The following ALOX15 variants were observed in gnomAD, a reference collection of about 807,000 sequenced individuals.
ALOX15 encodes arachidonate 15-lipoxygenase.
ALOX15 carries 68 observed loss-of-function variants against 71.7 expected under a neutral mutation model. That is an observed-to-expected ratio of 0.95 (90% CI 0.78 to 1.16). The LOEUF (loss-of-function observed/expected upper bound fraction) is 1.16, where lower values mean the gene tolerates loss of function less well. ALOX15 is among the 50% of genes most tolerant of loss of function. The probability of loss-of-function intolerance (pLI) is 0.00; values close to 1 mark genes in which losing one functional copy is unlikely to be tolerated. For missense variants in ALOX15, 798 were observed against 818.8 expected, an observed-to-expected ratio of 0.97 and a Z score of 0.31; for synonymous variants, 346 against 333.3, an observed-to-expected ratio of 1.04 and a Z score of -0.42.
rs116752090 is a variant in ALOX15, at chr17:4,636,602, C to T, written c.951+513G>A. On this transcript the variant is annotated intron_variant, in intron 7 of 13. Coordinates refer to ENST00000293761, the MANE Select transcript of ALOX15 (RefSeq NM_001140.5). ...ATGTTGCCCCAGTCCCTATTTCTAG[C>T]ATCTCCCCTCTCCAACCCACCCTAA... 5.4e-3 allele frequency among the ~76,000 whole-genome samples: 829 copies of T among 152,226 alleles called. 8 individuals are homozygous for T. The highest frequency in any genetic ancestry group is 0.019 in the African/African-American group (776 of 41,526).
At chr17:4,632,365 G>A (rs1910942780) in intron 11 of ALOX15, 84 bp from the exon 12 acceptor site, 5 of 1,134,234 alleles carry the variant, frequency 4.4e-6, no homozygotes. Flanking sequence ...GGAGAACAAG[G>A]GCGAGAAAGA....
rs529560628 is a variant in ALOX15, at chr17:4,634,223, T to G, written c.1162-723A>C. Among the ~76,000 whole-genome samples, 9 of 152,350 alleles carry G rather than the reference T, an allele frequency of 5.9e-5. No homozygotes were observed. The South Asian group carries it at 1.9e-3, about 32-fold the overall frequency. ...TACATAAAAATAAAACCACTGAGCT[T>G]TCAGTTGATTTGCATCAACTATTTC... On this transcript the variant is annotated intron_variant, in intron 8 of 13. Transcript: ENST00000293761.
chr17:4,638,975 G>A lies in ALOX15; in HGVS notation c.420-3C>T. 6.2e-7 allele frequency: 1 copy of A among 1,614,224 alleles called. No homozygotes were observed. The highest frequency in any genetic ancestry group is 8.5e-7 in the Non-Finnish European group (1 of 1,180,038). ...ACCCGTCCTTCCAGTTTCCCCACCT[G>A]TGGGGCAGGAAGGAAATCAAGTATG... is the stretch of plus-strand genomic sequence containing the variant. On this transcript the variant is annotated splice_region_variant and splice_polypyrimidine_tract_variant and intron_variant, in intron 3 of 13. Transcript: ENST00000293761.
rs1207792011 is a variant in ALOX15, at chr17:4,639,478, A to G, written c.289T>C (p.Tyr97His). The G allele has an allele frequency of 6.2e-7, 1 of 1,613,894 alleles. No homozygotes were observed. The highest frequency in any genetic ancestry group is 2.2e-5 in the East Asian group (1 of 44,886). The change falls in exon 2 of 14, where the codon TAC (tyrosine) becomes CAC (histidine). Residue 97 changes from tyrosine (Y) to histidine (H), a missense_variant. By Grantham distance (83) the Tyr-to-His change is moderately conservative. Transcript: ENST00000293761. ...GAGDEVRFPC[Y>H]RWVEGNGVLS... Reference sequence around the variant, plus strand: ...ACGCCGTTGCCCTCCACCCAGCGGTAACAAGGGAACCTGACCTCGTCCCCG... The same window carrying G: ...ACGCCGTTGCCCTCCACCCAGCGGTGACAAGGGAACCTGACCTCGTCCCCG...
Position 4,633,172 on chromosome 17 carries a change from C to G in ALOX15, c.1392G>C (p.Ala464=), listed in dbSNP as rs1415444236. 5.6e-6 allele frequency: 9 copies of G among 1,613,952 alleles called. No individual in the cohort carries two copies. The Admixed American group carries it at 1.5e-4, about 27-fold the overall frequency. ...GVKSSFYAQD[A]LRLWEIIYRY... ...GATAGATGATTTCCCAGAGCCGCAGCGCATCTTGGGCATAGAAGGAAGACT... is the reference window on the plus strand; with the variant it reads ...GATAGATGATTTCCCAGAGCCGCAGGGCATCTTGGGCATAGAAGGAAGACT... Residue 464 remains alanine, a synonymous_variant, in exon 10 of 14, where the codon GCG becomes GCC. Coordinates refer to ENST00000293761, the MANE Select transcript of ALOX15 (RefSeq NM_001140.5).
Position 4,632,244 on chromosome 17 carries a change from GC to G in ALOX15, c.1577del (p.Cys526SerfsTer51). 1.2e-6 allele frequency: 2 copies of G among 1,614,224 alleles called. No individual in the cohort carries two copies. Among genetic ancestry groups the G allele is most frequent in the Non-Finnish European group, 1.7e-6 (2 of 1,180,038 alleles). On this transcript the variant is annotated frameshift_variant, in exon 12 of 14. Transcript: ENST00000293761. LOFTEE classifies it high-confidence loss of function. ...TGAAGATACACATGGTGACAAAGTG[GC>G]AAACCTGGTCCCGAGCCTGTAAAGA... The part of the protein sequence containing the change: ...PVSLQARDQV[C>X]HFVTMCIFTC...
At chr17:4,640,279 G>A (rs1354376191) in intron 1 of ALOX15, among the ~76,000 whole-genome samples, 1 of 128,524 alleles carries the variant, frequency 7.8e-6, no homozygotes, top group Non-Finnish European at 1.6e-5. Context: ...AGCAGGGGGA[G>A]TGAATTAGGG....
At chr17:4,634,323 G>T (rs780555553) in intron 8 of ALOX15, among the ~76,000 whole-genome samples, 10 of 152,134 alleles carry the variant, frequency 6.6e-5, no homozygotes, top group Admixed American at 2.0e-4. Flanking sequence ...TTTGTTTTGA[G>T]ATGGAGTCTT....
At chr17:4,633,062 C>T in intron 10 of ALOX15, 80 bp from the exon 11 acceptor site, 2 of 1,610,542 alleles carry the variant, frequency 1.2e-6, no homozygotes, top group Admixed American at 1.7e-5. Context: ...GCCCCAGGCC[C>T]CCAACCAGAC....
At chr17:4,632,115 A>C in intron 12 of ALOX15, 59 bp from the exon 13 acceptor site, 1 of 1,612,226 alleles carries the variant, frequency 6.2e-7, no homozygotes, top group Non-Finnish European at 8.5e-7. Flanking sequence ...CCCGTGGTCC[A>C]CCTGCACACA....
intron 11 of ALOX15, 129 bp from the exon 12 acceptor site, chr17:4,632,410 T>G: frequency 1.3e-6 from 1 of 766,380 alleles, no homozygotes; most frequent in Non-Finnish European, 2.2e-6. Flanking sequence ...TTACAGGAAT[T>G]ACCATGACAG....
At chr17:4,633,359 T>C (rs927794666) in intron 9 of ALOX15, 44 bp from the exon 10 acceptor site, 6 of 1,611,796 alleles carry the variant, frequency 3.7e-6, no homozygotes, top group Admixed American at 1.7e-5. Flanking sequence ...CGACCTGCCC[T>C]GAATCCAGAG....
Position 4,638,358 on chromosome 17 carries a change from C to A in ALOX15, c.666G>T (p.Trp222Cys), listed in dbSNP as rs533287707. The A allele has an allele frequency of 1.4e-5, 13 of 950,718 alleles. No homozygotes were observed. The highest frequency in any genetic ancestry group is 1.9e-5 in the Non-Finnish European group (12 of 621,752). 58.9% of individuals were successfully genotyped at this position (950,718 alleles called of 1,614,324 possible). A position where few individuals can be genotyped will look rare whatever the true frequency, so the allele number is the denominator to read the frequency against. ...SKLAERVRDS[W>C]KEDALFGYQF... ...GGTACCCAAATAAGGCATCTTCCTTCCAGGAGTCCCGCACGCGCTCTGGGG... is the reference window on the plus strand; with the variant it reads ...GGTACCCAAATAAGGCATCTTCCTTACAGGAGTCCCGCACGCGCTCTGGGG... Residue 222 changes from tryptophan (W) to cysteine (C), a missense_variant, in exon 6 of 14, where the codon TGG (tryptophan) becomes TGT (cysteine). Physicochemically the swap from Trp to Cys is radical, Grantham distance 215. Transcript: ENST00000293761.
At chr17:4,632,353 G>C in intron 11 of ALOX15, 72 bp from the exon 12 acceptor site, 3 of 1,275,186 alleles carry the variant, frequency 2.4e-6, no homozygotes, top group Non-Finnish European at 3.4e-6. Context: ...GAGGCCAAGA[G>C]AGGAGAACAA....
At position 4,641,241 on chromosome 17, in the gene ALOX15, C is replaced by A. The variant is rs529810505; in HGVS notation, c.135+276G>T. Among the ~76,000 whole-genome samples, 6 of 151,718 alleles carry A rather than the reference C, an allele frequency of 4.0e-5. 1 individual carries two copies. The South Asian group carries it at 1.3e-3, about 32-fold the overall frequency. ...GGCGGCTCCAGTGACTGCTGAGTTT[C>A]CAGACAAGGGAGCTTTGTGCAATGA... On this transcript the variant is annotated intron_variant, in intron 1 of 13. Transcript: ENST00000293761.
chr17:4,635,651 T>C, intron 8 of ALOX15, 108 bp downstream of exon 8: 1 of 1,064,440 alleles, frequency 9.4e-7, no homozygotes, highest in Non-Finnish European at 1.4e-6. Flanking sequence ...GTCCATTCAT[T>C]GTTTCTCTCT....
chr17:4,636,063 C>T (rs11568112), intron 7 of ALOX15, 95 bp from the exon 8 acceptor site: 19,016 of 1,320,278 alleles, frequency 0.014, 340 homozygotes, highest in African/African-American at 0.082. Flanking sequence ...CTTCGTCCTC[C>T]AAACCTGTTC....
In ALOX15 at chr17:4,638,405, G is replaced by C. The variant is rs1343566778; in HGVS notation, c.647-28C>G. 3 of 818,996 alleles carry C rather than the reference G, an allele frequency of 3.7e-6. No individual in the cohort carries two copies. The African/African-American group carries it at 4.8e-5, about 13-fold the overall frequency. The allele number at this position is 818,996 out of a possible 1,614,324, so 50.7% of individuals were successfully genotyped here. A position where few individuals can be genotyped will look rare whatever the true frequency, so the allele number is the denominator to read the frequency against. On this transcript the variant is annotated intron_variant, in intron 5 of 13. Coordinates refer to ENST00000293761, the MANE Select transcript of ALOX15 (RefSeq NM_001140.5). ...GGGGAAGGCAGTTGTTGAGCAAGTT[G>C]TGGGATCTGAGCTCTTGGTCCTTCC...
At chr17:4,638,736 A>G in intron 4 of ALOX15, 52 bp from the exon 5 acceptor site, 1 of 1,613,462 alleles carries the variant, frequency 6.2e-7, no homozygotes, top group Non-Finnish European at 8.5e-7. Context: ...AGGCTCTAAC[A>G]TGACGACCAC....
Sources: allele counts gnomAD v4.1 joint callset (sites outside exome capture counted in the v4.1 genomes callset), GRCh38; gene constraint gnomAD v4.1.1; transcripts MANE v1.5; gene names NCBI Gene and HGNC (gene_info 2026-07-23, HGNC 2026-07-21).